The following PLD1 variants were observed in gnomAD, a reference collection of about 807,000 sequenced individuals.
The protein encoded by PLD1 is phospholipase D1, also known as choline phosphatase 1.
A neutral mutation model predicts 137.1 loss-of-function variants in PLD1; 112 were observed. That is an observed-to-expected ratio of 0.82 (90% CI 0.70 to 0.96). The LOEUF (loss-of-function observed/expected upper bound fraction) is 0.96, where lower values mean the gene tolerates loss of function less well. Ranked by LOEUF, PLD1 falls within the 40% of genes least tolerant of loss-of-function variation. The probability of loss-of-function intolerance (pLI) is 0.00; values close to 1 mark genes in which losing one functional copy is unlikely to be tolerated. For missense variants in PLD1, 1,321 were observed against 1,342.0 expected (o/e 0.98, Z 0.24); for synonymous variants, 431 against 454.7 (o/e 0.95, Z 0.66).
intron 23 of PLD1, among the ~76,000 whole-genome samples, chr3:171,638,504 T>C (rs1735352029): frequency 6.6e-6 from 1 of 152,198 alleles, no homozygotes. Flanking sequence ...CATAACTGTA[T>C]TCCTTTCTCC....
Position 171,775,491 on chromosome 3 carries a change from T to G in PLD1, c.-32+34908A>C, listed in dbSNP as rs916043555. Among the ~76,000 whole-genome samples, 4 of 152,148 alleles carry G rather than the reference T, an allele frequency of 2.6e-5. No homozygotes were observed. In the South Asian group the frequency reaches 8.3e-4, roughly 31 times the overall value. On this transcript the variant is annotated intron_variant, in intron 1 of 26. Coordinates refer to ENST00000351298, the MANE Select transcript of PLD1 (RefSeq NM_002662.5). Reference sequence around the variant, plus strand: ...TATTCTGTAGAGTGGTTCATTAGCTTAATTAGAATGTCAAAGAGGTCCCCA... The same window carrying G: ...TATTCTGTAGAGTGGTTCATTAGCTGAATTAGAATGTCAAAGAGGTCCCCA...
At chr3:171,682,921 G>T (rs932567556) in intron 16 of PLD1, among the ~76,000 whole-genome samples, 24 of 152,096 alleles carry the variant, frequency 1.6e-4, no homozygotes, top group Non-Finnish European at 3.5e-4. Flanking sequence ...AATTAAATTT[G>T]TATTTATATT....
rs1733360534 is a variant in PLD1, at chr3:171,618,969, T to G, written c.2728+1417A>C. The stretch of plus-strand genomic sequence containing the variant: ...AATCATGTTCCAGATAAGACAGTTT[T>G]ATTCTTCTCAGATATGAGATATGTT... On this transcript the variant is annotated intron_variant, in intron 24 of 26. Coordinates refer to ENST00000351298, the MANE Select transcript of PLD1 (RefSeq NM_002662.5). 3.3e-5 allele frequency among the ~76,000 whole-genome samples: 5 copies of G among 152,196 alleles called. No individual in the cohort carries two copies. In the South Asian group the frequency reaches 1.0e-3, roughly 31 times the overall value.
intron 1 of PLD1, among the ~76,000 whole-genome samples, chr3:171,802,950 A>C (rs1407703346): frequency 1.3e-5 from 2 of 152,252 alleles, no homozygotes; most frequent in African/African-American, 2.4e-5. Flanking sequence ...CAGAAGGCAC[A>C]TGGGGTGATC....
intron 25 of PLD1, among the ~76,000 whole-genome samples, chr3:171,610,837 A>G (rs1197923874): frequency 6.6e-6 from 1 of 151,242 alleles, no homozygotes; most frequent in Admixed American, 6.5e-5. Context: ...CAAAGGCAAT[A>G]AATACAGCAA....
In PLD1 at chr3:171,737,518, A is replaced by G. The variant is rs1306002560; in HGVS notation, c.288+14T>C. Reference sequence around the variant, plus strand: ...TGACAAAAGAAAAAAGGGTGAGTCCATAAACGCTCTGACCCTTGTTGTAGA... The same window carrying G: ...TGACAAAAGAAAAAAGGGTGAGTCCGTAAACGCTCTGACCCTTGTTGTAGA... On this transcript the variant is annotated intron_variant, in intron 3 of 26. Coordinates refer to ENST00000351298, the MANE Select transcript of PLD1 (RefSeq NM_002662.5). The G allele has an allele frequency of 3.8e-6, 6 of 1,596,492 alleles. No individual in the cohort carries two copies. The highest frequency in any genetic ancestry group is 4.3e-6 in the Non-Finnish European group (5 of 1,175,536).
At chr3:171,628,073 C>G (rs1361073668) in intron 23 of PLD1, among the ~76,000 whole-genome samples, 3 of 151,870 alleles carry the variant, frequency 2.0e-5, no homozygotes, top group African/African-American at 7.2e-5. Context: ...AATCCAGGAG[C>G]TGGTTTTTTG....
intron 9 of PLD1, among the ~76,000 whole-genome samples, chr3:171,710,935 G>T (rs192069968): frequency 6.3e-4 from 89 of 140,284 alleles, no homozygotes; most frequent in African/African-American, 2.3e-3. Context: ...GTGCAATGGC[G>T]CTATCTTGGC....
Position 171,714,001 on chromosome 3 carries a change from T to G in PLD1, c.803A>C (p.Asp268Ala). ...KDSFLLYMKPDSGAIAFVLLV... is the reference protein window; with the variant it reads ...KDSFLLYMKPASGAIAFVLLV... Reference sequence around the variant, plus strand: ...CAGGACGAAGGCAATGGCACCGCTGTCTGGTTTCATATACAATAAAAAGGA... The same window carrying G: ...CAGGACGAAGGCAATGGCACCGCTGGCTGGTTTCATATACAATAAAAAGGA... Residue 268 changes from aspartate (D) to alanine (A), a missense_variant, in exon 9 of 27, where the codon GAC becomes GCC. Asp to Ala is a moderately radical substitution (Grantham distance 126, BLOSUM62 -2). Transcript: ENST00000351298. 6.2e-7 allele frequency: 1 copy of G among 1,608,740 alleles called. No homozygotes were observed.
chr3:171,610,319 G>GT, intron 25 of PLD1, among the ~76,000 whole-genome samples: 1 of 152,242 alleles, frequency 6.6e-6, no homozygotes, highest in East Asian at 1.9e-4. Flanking sequence ...GAAAATGTGT[G>GT]TAACATTGTT....
intron 21 of PLD1, among the ~76,000 whole-genome samples, chr3:171,657,466 G>A (rs879227930): frequency 6.6e-6 from 1 of 152,196 alleles, no homozygotes; most frequent in Admixed American, 6.5e-5. Flanking sequence ...TTATGTGTTT[G>A]TTCTGCTACT....
At chr3:171,695,569 G>A (rs1360779937) in intron 12 of PLD1, among the ~76,000 whole-genome samples, 2 of 152,194 alleles carry the variant, frequency 1.3e-5, no homozygotes, top group Non-Finnish European at 2.9e-5. Flanking sequence ...ATCTTTAGGA[G>A]CTTTAGATAT....
intron 9 of PLD1, 123 bp from the exon 10 acceptor site, chr3:171,709,832 G>T: frequency 1.3e-6 from 1 of 751,868 alleles, no homozygotes; most frequent in Non-Finnish European, 2.1e-6. Flanking sequence ...AAGAAAGCAG[G>T]CATTTAACAT....
chr3:171,713,344 C>T (rs188860867), intron 9 of PLD1, among the ~76,000 whole-genome samples: 500 of 152,196 alleles, frequency 3.3e-3, no homozygotes, highest in African/African-American at 0.011. Context: ...GCCTGTAGTC[C>T]CAGCTACTCA....
chr3:171,687,420 C>G lies in PLD1; in HGVS notation c.1704G>C (p.Arg568Ser), dbSNP rs747010478. The change falls in exon 15 of 27, where the codon AGG becomes AGC. Residue 568 changes from arginine (R) to serine (S), a missense_variant. Arg to Ser is a moderately radical substitution (Grantham distance 110). Transcript: ENST00000351298. ...TGCTATCTGCGTCGTGCAGGTGGTG[C>G]CTGTGGAGCTGCTTGTAGAGACTAA... ...SKFSLYKQLH[R>S]HHLHDADSIS... 2 of 1,613,990 alleles carry G rather than the reference C, an allele frequency of 1.2e-6. No individual in the cohort carries two copies. The highest frequency in any genetic ancestry group is 2.2e-5 in the South Asian group (2 of 91,076).
chr3:171,682,166 A>AAGAAAGAAAGAG (rs1553819289), intron 16 of PLD1, among the ~76,000 whole-genome samples: 70 of 29,476 alleles, frequency 2.4e-3, no homozygotes, highest in Middle Eastern at 0.012. Flanking sequence ...GAAAGAAAGA[A>AAGAAAGAAAGAG]AAAGAAAGAA....
At chr3:171,647,942 G>A (rs1009608983) in intron 21 of PLD1, among the ~76,000 whole-genome samples, 3 of 152,012 alleles carry the variant, frequency 2.0e-5, no homozygotes, top group African/African-American at 7.3e-5. Flanking sequence ...TGCTGGTTCT[G>A]GATTTTGCAT....
intron 21 of PLD1, among the ~76,000 whole-genome samples, chr3:171,651,429 C>G (rs1172213257): frequency 6.6e-6 from 1 of 151,954 alleles, no homozygotes; most frequent in Non-Finnish European, 1.5e-5. Context: ...GACATAACCC[C>G]TTTTATTTTG....
chr3:171,661,483 T>A (rs1711512752), intron 20 of PLD1, among the ~76,000 whole-genome samples: 1 of 152,200 alleles, frequency 6.6e-6, no homozygotes, highest in African/African-American at 2.4e-5. Context: ...CTAAACTCAG[T>A]GTCCCCAGAT....
Sources: gnomAD v4.1 joint callset for allele counts (sites outside exome capture counted in the v4.1 genomes callset) on GRCh38, gnomAD v4.1.1 for gene constraint, MANE v1.5 for transcripts, NCBI Gene and HGNC (gene_info 2026-07-23, HGNC 2026-07-21) for gene names.